The following RPGR variants were observed in gnomAD, a reference collection of about 807,000 sequenced individuals.
RPGR encodes X-linked retinitis pigmentosa GTPase regulator.
In RPGR, 10 loss-of-function variants were observed where a neutral mutation model predicts 56.3. The ratio of observed to expected loss-of-function variants is 0.18; its 90% CI spans 0.11 to 0.30. The LOEUF (loss-of-function observed/expected upper bound fraction) is 0.30. Ranked by LOEUF, RPGR falls within the 10% of genes least tolerant of loss-of-function variation. The probability of loss-of-function intolerance (pLI) is 1.00; values close to 1 mark genes in which losing one functional copy is unlikely to be tolerated. For missense variants in RPGR, 538 were observed against 590.9 expected, an observed-to-expected ratio of 0.91 and a Z score of 0.93; for synonymous variants, 197 against 212.9, an observed-to-expected ratio of 0.93 and a Z score of 0.65.
rs1168383593 is a variant in RPGR, at chrX:38,285,991, CCTTCTTCCTCCCCTT to C, written c.1905+1088_1905+1102del. On this transcript the variant is annotated intron_variant, in intron 15 of 18. Coordinates refer to ENST00000642395, the MANE Select transcript of RPGR (RefSeq NM_000328.3). ...TCCCTCCCCTTCTTCCTCTCCCTCT[CCTTCTTCCTCCCCTT>C]CTTCTTCCCCTTCCTCCTCTTCCCC... is the stretch of plus-strand genomic sequence containing the variant. 7 of 902,675 alleles carry C rather than the reference CCTTCTTCCTCCCCTT, an allele frequency of 7.8e-6. No individual in the cohort carries two copies. In the African/African-American group the frequency reaches 1.6e-4, roughly 20 times the overall value. The allele number at this position is 902,675 out of a possible 1,213,427, so 74.4% of individuals were successfully genotyped here. A position where few individuals can be genotyped will look rare whatever the true frequency, so the allele number is the denominator to read the frequency against.
In RPGR at chrX:38,269,780, T is replaced by C. The variant is rs1166341525; in HGVS notation, c.2294A>G (p.Asn765Ser). 5.8e-6 allele frequency: 7 copies of C among 1,208,729 alleles called. No individual in the cohort carries two copies. In the Admixed American group the frequency reaches 1.3e-4, roughly 23 times the overall value. Residue 765 changes from asparagine to serine, a missense_variant, in exon 19 of 19, where the codon AAC becomes AGC. Asn to Ser is a conservative substitution (Grantham distance 46, BLOSUM62 1). Coordinates refer to ENST00000642395, the MANE Select transcript of RPGR (RefSeq NM_000328.3). ...TTTTATCTCTGGGAGCGGCTCATTG[T>C]TATTCTTGACAATCTTTTGATTTAT...
intron 7 of RPGR, among the ~76,000 whole-genome samples, chrX:38,306,449 T>C (rs745773441): frequency 3.6e-5 from 4 of 112,521 alleles, no homozygotes; most frequent in Non-Finnish European, 7.5e-5. Flanking sequence ...TAACTGTCTA[T>C]TGTCATGTGG....
chrX:38,289,928 G>C (rs949121879), intron 13 of RPGR, among the ~76,000 whole-genome samples: 1 of 111,589 alleles, frequency 9.0e-6, no homozygotes, highest in Non-Finnish European at 1.9e-5. Context: ...TGGAGTCTAA[G>C]GGAAGAGGAA....
intron 17 of RPGR, chrX:38,275,052 T>G (rs372763714): frequency 9.6e-7 from 1 of 1,045,008 alleles, no homozygotes; most frequent in Non-Finnish European, 1.3e-6. Context: ...TGTGTATGTA[T>G]GTATGTATAT....
At chrX:38,281,410 G>A (rs1373931792) in intron 15 of RPGR, among the ~76,000 whole-genome samples, 1 of 112,415 alleles carries the variant, frequency 8.9e-6, no homozygotes, top group Non-Finnish European at 1.9e-5. Flanking sequence ...TGTATGGTGT[G>A]TAATAGTTTC....
At chrX:38,273,057 T>C (rs747307285) in intron 18 of RPGR, among the ~76,000 whole-genome samples, 22 of 112,232 alleles carry the variant, frequency 2.0e-4, no homozygotes, top group African/African-American at 7.1e-4. Flanking sequence ...CCTGGCATTA[T>C]TTGGGAAAAA....
intron 6 of RPGR, among the ~76,000 whole-genome samples, chrX:38,314,079 A>T (rs2067772145): frequency 9.0e-6 from 1 of 111,421 alleles, no homozygotes. Flanking sequence ...AGGTCTGTGC[A>T]TAAATCTCAT....
chrX:38,302,709 A>C (rs1017132122), intron 8 of RPGR: 3 of 111,528 alleles, frequency 2.7e-5, no homozygotes, highest in African/African-American at 9.8e-5. Flanking sequence ...TAATTCAGTA[A>C]GGTGGCAAGT....
intron 8 of RPGR, among the ~76,000 whole-genome samples, chrX:38,303,294 C>CA (rs1267666120): frequency 9.2e-6 from 1 of 109,148 alleles, no homozygotes; most frequent in Non-Finnish European, 1.9e-5. Flanking sequence ...TAACCCACTA[C>CA]ATACTTCTCA....
At chrX:38,305,954 T>C (rs1426322741) in intron 7 of RPGR, among the ~76,000 whole-genome samples, 2 of 111,221 alleles carry the variant, frequency 1.8e-5, no homozygotes, top group Non-Finnish European at 3.8e-5. Flanking sequence ...TTTATATTGA[T>C]ATTTTGAAGT....
intron 15 of RPGR, chrX:38,285,777 T>C: frequency 8.3e-7 from 1 of 1,211,229 alleles, no homozygotes; most frequent in Non-Finnish European, 1.1e-6. Context: ...CATTCTCTTC[T>C]TCGCCTGTCT....
At chrX:38,284,614 C>T (rs1475076587) in intron 15 of RPGR, 2 of 741,418 alleles carry the variant, frequency 2.7e-6, no homozygotes, top group African/African-American at 4.6e-5. Flanking sequence ...CATAACTTTT[C>T]AAGAGTAAAG....
chrX:38,273,503 T>C, intron 17 of RPGR: 2 of 1,078,561 alleles, frequency 1.9e-6, no homozygotes, highest in East Asian at 6.0e-5. Flanking sequence ...TCAGAAATAC[T>C]AGTTTTAACT....
chrX:38,271,291 A>G (rs1238780910), intron 18 of RPGR, among the ~76,000 whole-genome samples: 2 of 112,232 alleles, frequency 1.8e-5, no homozygotes, highest in African/African-American at 6.5e-5. Flanking sequence ...GCTATGGTGA[A>G]GAAATACACA....
intron 11 of RPGR, among the ~76,000 whole-genome samples, chrX:38,294,733 C>T (rs1344868746): frequency 5.3e-5 from 6 of 112,518 alleles, no homozygotes; most frequent in African/African-American, 1.9e-4. Flanking sequence ...GCTTAGGAAT[C>T]ATCCTTGATT....
intron 15 of RPGR, chrX:38,285,725 T>C: frequency 8.3e-7 from 1 of 1,211,327 alleles, no homozygotes; most frequent in Non-Finnish European, 1.1e-6. Flanking sequence ...ACAGATCCTT[T>C]TATTTTGCTC....
chrX:38,287,776 T>C (rs1468851216), intron 14 of RPGR, 85 bp downstream of exon 14: 13 of 876,285 alleles, frequency 1.5e-5, no homozygotes, highest in African/African-American at 2.0e-5. Flanking sequence ...ATCAACACCA[T>C]TATTATTTTC....
Position 38,298,976 on chromosome X carries a change from G to A in RPGR, c.1225C>T (p.Arg409Cys), listed in dbSNP as rs2067448260. The A allele has an allele frequency of 2.5e-6, 3 of 1,209,758 alleles. No individual in the cohort carries two copies. Among genetic ancestry groups the A allele is most frequent in the South Asian group, 1.8e-5 (1 of 56,841 alleles). ...TGTACCCTCTCTCTTCGCCGCATAC[G>A]TGCTGATAGAGTCCTCTGCAGTACA... Residue 409 changes from arginine (R) to cysteine (C), a missense_variant, in exon 10 of 19, where the codon CGT becomes TGT. Around this residue, in one of 2 missense-constraint regions of RPGR, gnomAD observed 357 missense variants for 325.8 expected, o/e 1.10. Coordinates refer to ENST00000642395, the MANE Select transcript of RPGR (RefSeq NM_000328.3).
At chrX:38,304,405 T>C in intron 8 of RPGR, among the ~76,000 whole-genome samples, 1 of 112,261 alleles carries the variant, frequency 8.9e-6, no homozygotes, top group East Asian at 2.8e-4. Flanking sequence ...TCTGACATCA[T>C]CGGCCTATTG....
Sources: gnomAD v4.1 joint callset for allele counts (sites outside exome capture counted in the v4.1 genomes callset) on GRCh38, gnomAD v4.1.1 for gene constraint, gnomAD v4.1.1 regional missense constraint, MANE v1.5 for transcripts, NCBI Gene and HGNC (gene_info 2026-07-23, HGNC 2026-07-21) for gene names.